Variants in GRIN3A observed in about 807,000 individuals in gnomAD.
The protein encoded by GRIN3A is glutamate ionotropic receptor NMDA type subunit 3A.
A neutral mutation model predicts 92.4 loss-of-function variants in GRIN3A; 47 were observed. The ratio of observed to expected loss-of-function variants is 0.51; its 90% CI spans 0.40 to 0.65. The LOEUF is 0.65. Among genes scored for constraint, GRIN3A ranks in the 30% least tolerant of loss-of-function variants. GRIN3A has a pLI of 0.00. For missense variants in GRIN3A, 1,324 were observed against 1,393.1 expected (o/e 0.95, Z 0.79); for synonymous variants, 527 against 540.6 (o/e 0.97, Z 0.35).
chr9:101,677,093 C>A (rs1445659991), intron 2 of GRIN3A, among the ~76,000 whole-genome samples: 1 of 151,306 alleles, frequency 6.6e-6, no homozygotes, highest in Non-Finnish European at 1.5e-5. Flanking sequence ...TCTTTTAGAA[C>A]TCTTACAGCC....
At chr9:101,671,600 A>T (rs1829325944) in intron 2 of GRIN3A, among the ~76,000 whole-genome samples, 1 of 152,196 alleles carries the variant, frequency 6.6e-6, no homozygotes, top group South Asian at 2.1e-4. Context: ...ATATACTTTA[A>T]TAATTGCTTA....
chr9:101,628,147 G>T, intron 4 of GRIN3A, 109 bp downstream of exon 4: 2 of 1,007,046 alleles, frequency 2.0e-6, no homozygotes, highest in Non-Finnish European at 3.1e-6. Context: ...TTAACACAAC[G>T]TGGGTATATT....
intron 8 of GRIN3A, among the ~76,000 whole-genome samples, chr9:101,575,268 A>G (rs1827811881): frequency 6.6e-6 from 1 of 152,224 alleles, no homozygotes; most frequent in Non-Finnish European, 1.5e-5. Context: ...GAACCCACTT[A>G]TAGCTCCATT....
rs774367968 is a variant in GRIN3A, at chr9:101,597,808, A to AT, written c.2766+15567_2766+15568insA. Among the ~76,000 whole-genome samples the AT allele has an allele frequency of 6.1e-3, 924 of 152,350 alleles. 2 individuals are homozygous for AT. Among genetic ancestry groups the AT allele is most frequent in the Non-Finnish European group, 8.9e-3 (607 of 68,028 alleles). ...TAAAAAGTTTACTTCATAAAGTTGT[A>AT]AAACTAAATATAGTATATATATGAT... is the stretch of plus-strand genomic sequence containing the variant. On this transcript the variant is annotated intron_variant, in intron 6 of 8. Transcript: ENST00000361820.
chr9:101,633,656 A>C (rs1169798023), intron 3 of GRIN3A, among the ~76,000 whole-genome samples: 2 of 152,160 alleles, frequency 1.3e-5, no homozygotes, highest in Admixed American at 1.3e-4. Context: ...GTGAACTGCA[A>C]ATGTGAGAGA....
intron 1 of GRIN3A, among the ~76,000 whole-genome samples, chr9:101,708,856 G>T (rs73658432): frequency 1.3e-5 from 2 of 152,068 alleles, no homozygotes; most frequent in South Asian, 2.1e-4. Flanking sequence ...ATAAAATTTC[G>T]CAGTAAACCT....
intron 6 of GRIN3A, among the ~76,000 whole-genome samples, chr9:101,606,967 G>GCCATATGT (rs11281874): frequency 0.69 from 93,877 of 135,824 alleles, 31,538 homozygotes; most frequent in African/African-American, 0.76. Flanking sequence ...TTTATACCCT[G>GCCATATGT]TTTCCCTAAT....
At chr9:101,698,518 C>T (rs572947536) in intron 1 of GRIN3A, among the ~76,000 whole-genome samples, 1 of 152,068 alleles carries the variant, frequency 6.6e-6, no homozygotes, top group African/African-American at 2.4e-5. Flanking sequence ...GATGGCATAA[C>T]CTACTACACC....
In GRIN3A at chr9:101,578,727, C is replaced by T. The variant is rs1010185555; in HGVS notation, c.2931+469G>A. Reference sequence around the variant, plus strand: ...ATGTCTAGGTAACAGGAGAGAACTGCGGCCTTGTGAAGCTTGGCCTTGGCC... The same window carrying T: ...ATGTCTAGGTAACAGGAGAGAACTGTGGCCTTGTGAAGCTTGGCCTTGGCC... On this transcript the variant is annotated intron_variant, in intron 7 of 8. Coordinates refer to ENST00000361820, the MANE Select transcript of GRIN3A (RefSeq NM_133445.3). Among the ~76,000 whole-genome samples the T allele has an allele frequency of 3.9e-5, 6 of 152,278 alleles. No individual in the cohort carries two copies. The East Asian group carries it at 7.7e-4, about 20-fold the overall frequency.
intron 3 of GRIN3A, among the ~76,000 whole-genome samples, chr9:101,656,180 T>C (rs1829086617): frequency 6.6e-6 from 1 of 151,966 alleles, no homozygotes; most frequent in Non-Finnish European, 1.5e-5. Flanking sequence ...CTTTAGAGGA[T>C]AGACTGATTT....
At chr9:101,598,921 A>C (rs1828175213) in intron 6 of GRIN3A, among the ~76,000 whole-genome samples, 1 of 152,190 alleles carries the variant, frequency 6.6e-6, no homozygotes, top group Non-Finnish European at 1.5e-5. Flanking sequence ...TGGATTCCTC[A>C]CTTACATTCT....
intron 1 of GRIN3A, among the ~76,000 whole-genome samples, chr9:101,695,179 G>A (rs537838257): frequency 6.6e-6 from 1 of 152,294 alleles, no homozygotes; most frequent in Non-Finnish European, 1.5e-5. Context: ...TTGAGATTAG[G>A]AAGTTTACAC....
intron 1 of GRIN3A, among the ~76,000 whole-genome samples, chr9:101,695,610 A>G (rs1829675459): frequency 6.6e-6 from 1 of 152,196 alleles, no homozygotes; most frequent in African/African-American, 2.4e-5. Flanking sequence ...GAAATGTGAC[A>G]GCAGAACCTG....
intron 6 of GRIN3A, among the ~76,000 whole-genome samples, chr9:101,610,895 A>G (rs1383102691): frequency 1.3e-5 from 2 of 151,962 alleles, no homozygotes; most frequent in African/African-American, 4.8e-5. Context: ...TCAGGAGATC[A>G]AGACCATCCT....
intron 1 of GRIN3A, among the ~76,000 whole-genome samples, chr9:101,725,719 A>C (rs1012763084): frequency 5.9e-5 from 9 of 152,194 alleles, no homozygotes; most frequent in African/African-American, 2.2e-4. Context: ...TGTGTTATGG[A>C]TAGTACTAAG....
chr9:101,640,614 C>A (rs578015417), intron 3 of GRIN3A, among the ~76,000 whole-genome samples: 5 of 152,120 alleles, frequency 3.3e-5, no homozygotes, highest in Non-Finnish European at 5.9e-5. Context: ...TGTGTCCCCA[C>A]GCAGATCTCA....
chr9:101,727,245 C>T (rs1231157233), intron 1 of GRIN3A, among the ~76,000 whole-genome samples: 5 of 152,072 alleles, frequency 3.3e-5, no homozygotes, highest in East Asian at 1.9e-4. Context: ...AAAATATTTG[C>T]GATATGAGAA....
At chr9:101,605,420 G>A (rs769066256) in intron 6 of GRIN3A, among the ~76,000 whole-genome samples, 2 of 152,022 alleles carry the variant, frequency 1.3e-5, no homozygotes, top group African/African-American at 2.4e-5. Context: ...ACATTTTGAT[G>A]TGGATGTTTT....
At chr9:101,616,843 A>T (rs76457315) in intron 5 of GRIN3A, among the ~76,000 whole-genome samples, 14,305 of 143,314 alleles carry the variant, frequency 0.1, 1,331 homozygotes, top group African/African-American at 0.25. Context: ...TATACATATG[A>T]AACTAACCTG....
Sources: allele counts gnomAD v4.1 joint callset (sites outside exome capture counted in the v4.1 genomes callset), GRCh38; gene constraint gnomAD v4.1.1; transcripts MANE v1.5; gene names NCBI Gene and HGNC (gene_info 2026-07-23, HGNC 2026-07-21).